The following DST variants were observed in gnomAD, a reference collection of about 807,000 sequenced individuals.
The protein encoded by DST is bullous pemphigoid antigen.
A neutral mutation model predicts 875.2 loss-of-function variants in DST; 253 were observed. The observed-to-expected ratio is 0.29, with a 90% CI of 0.26 to 0.32. DST has a LOEUF of 0.32. Ranked by LOEUF, DST falls within the 10% of genes least tolerant of loss-of-function variation. DST has a pLI of 1.00. For missense variants in DST, 8,287 were observed against 9,111.6 expected (o/e 0.91, Z 3.68); for synonymous variants, 3,124 against 3,197.1 (o/e 0.98, Z 0.77).
At chr6:56,807,734 AG>A (rs2099754850) in intron 4 of DST, among the ~76,000 whole-genome samples, 1 of 152,238 alleles carries the variant, frequency 6.6e-6, no homozygotes, top group African/African-American at 2.4e-5. Flanking sequence ...AATTCAAAAC[AG>A]ACCACAGTCC....
At chr6:56,832,360 C>T (rs1055160256) in intron 4 of DST, among the ~76,000 whole-genome samples, 2 of 152,040 alleles carry the variant, frequency 1.3e-5, no homozygotes, top group East Asian at 1.9e-4. Context: ...GTAAGTCTCA[C>T]GAGATTCTGA....
intron 2 of DST, among the ~76,000 whole-genome samples, chr6:56,916,119 C>G (rs1278199614): frequency 6.6e-6 from 1 of 152,122 alleles, no homozygotes; most frequent in Non-Finnish European, 1.5e-5. Context: ...GTCGGCTAAG[C>G]GTCATGAATA....
chr6:56,499,290 TTC>T (rs2096035542), intron 80 of DST, among the ~76,000 whole-genome samples: 1 of 152,132 alleles, frequency 6.6e-6, no homozygotes, highest in African/African-American at 2.4e-5. Flanking sequence ...ACATCACTGT[TTC>T]TCTGACTGTT....
chr6:56,521,581 C>A (rs1583884506), intron 69 of DST, among the ~76,000 whole-genome samples: 2 of 81,090 alleles, frequency 2.5e-5, no homozygotes, highest in Admixed American at 1.7e-4. Context: ...TTGATCAAGT[C>A]AAACATTTGC....
intron 2 of DST, among the ~76,000 whole-genome samples, chr6:56,929,204 T>C (rs1384624631): frequency 1.3e-5 from 2 of 152,168 alleles, no homozygotes; most frequent in African/African-American, 4.8e-5. Flanking sequence ...TTTGATTCCA[T>C]AATTCTCCTT....
At chr6:56,612,182 G>A (rs1367164545) in intron 37 of DST, among the ~76,000 whole-genome samples, 2 of 152,100 alleles carry the variant, frequency 1.3e-5, no homozygotes, top group Admixed American at 1.3e-4. Context: ...ACCAGCCTGA[G>A]CAACATGGTG....
At chr6:56,780,488 A>G (rs1399942379) in intron 4 of DST, among the ~76,000 whole-genome samples, 2 of 150,978 alleles carry the variant, frequency 1.3e-5, no homozygotes, top group Non-Finnish European at 1.5e-5. Context: ...GATGATGAGC[A>G]TTTTTTCATG....
intron 4 of DST, among the ~76,000 whole-genome samples, chr6:56,783,545 G>A (rs1020093831): frequency 1.3e-5 from 2 of 152,016 alleles, no homozygotes; most frequent in Non-Finnish European, 2.9e-5. Flanking sequence ...TAGGATTGCA[G>A]CCCCTGCCTT....
intron 2 of DST, among the ~76,000 whole-genome samples, chr6:56,908,552 A>C (rs1458472689): frequency 6.6e-6 from 1 of 152,162 alleles, no homozygotes; most frequent in Non-Finnish European, 1.5e-5. Context: ...CTTCAAAATC[A>C]CAGTAGTTAG....
At position 56,896,134 on chromosome 6, in the gene DST, A is replaced by T. The variant is rs1791160545; in HGVS notation, c.417+4287T>A. 2.9e-5 allele frequency among the ~76,000 whole-genome samples: 2 copies of T among 68,228 alleles called. 1 individual carries two copies. Among genetic ancestry groups the T allele is most frequent in the Admixed American group, 2.4e-4 (2 of 8,466 alleles). The allele number at this position is 68,228 out of a possible 152,430, so 44.8% of individuals were successfully genotyped here. On this transcript the variant is annotated intron_variant, in intron 3 of 103. Transcript: ENST00000680361. ...AGGGAGAGGGAGACGGGAGAGGGAG[A>T]GGGAGACGGGAGAGCCTACTTTTAG...
chr6:56,671,711 C>G (rs2099102402), intron 9 of DST, among the ~76,000 whole-genome samples: 1 of 152,222 alleles, frequency 6.6e-6, no homozygotes, highest in African/African-American at 2.4e-5. Context: ...CCACCAACAA[C>G]TGTTCCCTCA....
Position 56,562,173 on chromosome 6 carries a change from G to C in DST, c.14033C>G (p.Thr4678Arg). The change falls in exon 56 of 104, where the codon ACA becomes AGA. Residue 4678 changes from threonine to arginine, a missense_variant. Coordinates refer to ENST00000680361, the MANE Select transcript of DST (RefSeq NM_001374736.1). ...SGGAVLNGEG[T>R]ATNTEEFWAN... ...CCAAAATTCCTCAGTATTTGTGGCT[G>C]TTCCTTCACCATTTAATACTGCTCC... 1 of 1,555,644 alleles carries C rather than the reference G, an allele frequency of 6.4e-7. No individual in the cohort carries two copies. The highest frequency in any genetic ancestry group is 1.2e-5 in the South Asian group (1 of 82,090).
chr6:56,493,712 T>C (rs1457833173), intron 83 of DST, among the ~76,000 whole-genome samples: 1 of 151,890 alleles, frequency 6.6e-6, no homozygotes, highest in Non-Finnish European at 1.5e-5. Flanking sequence ...TAAAATAGAA[T>C]TAATTATTTA....
At chr6:56,929,224 T>C (rs1021565799) in intron 2 of DST, among the ~76,000 whole-genome samples, 2 of 152,288 alleles carry the variant, frequency 1.3e-5, no homozygotes, top group South Asian at 2.1e-4. Flanking sequence ...TCTGGGAATT[T>C]ATCCCACAGA....
At chr6:56,633,079 A>C (rs767636263) in intron 27 of DST, 42 bp from the exon 28 acceptor site, 72 of 1,541,194 alleles carry the variant, frequency 4.7e-5, no homozygotes, top group Non-Finnish European at 6.1e-5. Flanking sequence ...TCTATTACTC[A>C]TAGATTTGAA....
chr6:56,470,955 C>T, intron 95 of DST, 151 bp downstream of exon 95: 1 of 791,630 alleles, frequency 1.3e-6, no homozygotes, highest in Non-Finnish European at 1.9e-6. Flanking sequence ...CAAATTTTAC[C>T]AAAAAAACAT....
rs746738289 is a variant in DST, at chr6:56,497,510, G to T, written c.20095-3C>A. The T allele has an allele frequency of 1.9e-6, 3 of 1,612,138 alleles. No homozygotes were observed. Among genetic ancestry groups the T allele is most frequent in the Non-Finnish European group, 1.7e-6 (2 of 1,179,158 alleles). On this transcript the variant is annotated splice_polypyrimidine_tract_variant and splice_region_variant and intron_variant, in intron 81 of 103. Coordinates refer to ENST00000680361, the MANE Select transcript of DST (RefSeq NM_001374736.1). ...ATTTCGCCATGGAACCCTTTGGCCTGAAGTAATAGGCAGTTTTAAGTTGGG... is the reference window on the plus strand; with the variant it reads ...ATTTCGCCATGGAACCCTTTGGCCTTAAGTAATAGGCAGTTTTAAGTTGGG...
intron 48 of DST, among the ~76,000 whole-genome samples, chr6:56,592,766 G>A (rs556189484): frequency 5.3e-5 from 8 of 152,236 alleles, no homozygotes; most frequent in Admixed American, 1.3e-4. Flanking sequence ...GGAAGACAAA[G>A]AGTCTATATT....
At chr6:56,818,578 G>T (rs994835317) in intron 4 of DST, among the ~76,000 whole-genome samples, 2 of 151,952 alleles carry the variant, frequency 1.3e-5, no homozygotes, top group African/African-American at 4.8e-5. Context: ...TCTCCCAAAT[G>T]AACTAAACAT....
Sources: allele counts gnomAD v4.1 joint callset (sites outside exome capture counted in the v4.1 genomes callset), GRCh38; gene constraint gnomAD v4.1.1; transcripts MANE v1.5; gene names NCBI Gene and HGNC (gene_info 2026-07-23, HGNC 2026-07-21).